The following CLSTN2 variants were observed in gnomAD, a reference collection of about 807,000 sequenced individuals.
The protein encoded by CLSTN2 is calsyntenin-2.
A neutral mutation model predicts 101.2 loss-of-function variants in CLSTN2; 48 were observed. The ratio of observed to expected loss-of-function variants is 0.47; its 90% CI spans 0.38 to 0.60. The LOEUF (loss-of-function observed/expected upper bound fraction) is 0.60, where lower values mean the gene tolerates loss of function less well. CLSTN2 is among the 20% of genes least tolerant of loss of function. The probability of loss-of-function intolerance (pLI) is 0.00; values close to 1 mark genes in which losing one functional copy is unlikely to be tolerated. For missense variants in CLSTN2, 1,160 were observed against 1,238.2 expected, an observed-to-expected ratio of 0.94 and a Z score of 0.95; for synonymous variants, 481 against 463.6, an observed-to-expected ratio of 1.04 and a Z score of -0.48.
intron 4 of CLSTN2, among the ~76,000 whole-genome samples, chr3:140,416,662 T>C (rs1362415372): frequency 2.6e-5 from 4 of 152,184 alleles, no homozygotes; most frequent in Non-Finnish European, 5.9e-5. Context: ...AAAATGGAAA[T>C]TGAATATTGT....
chr3:140,308,259 C>T (rs1054549311), intron 2 of CLSTN2, among the ~76,000 whole-genome samples: 1 of 152,306 alleles, frequency 6.6e-6, no homozygotes, highest in Admixed American at 6.5e-5. Flanking sequence ...GCCAGAGGGC[C>T]TCAGTTTTCC....
At chr3:140,127,169 C>G (rs1381896078) in intron 1 of CLSTN2, among the ~76,000 whole-genome samples, 2 of 152,006 alleles carry the variant, frequency 1.3e-5, no homozygotes, top group Non-Finnish European at 2.9e-5. Flanking sequence ...GGGACTGCCC[C>G]CCATCATCAA....
chr3:140,366,695 C>G (rs6794692), intron 2 of CLSTN2, among the ~76,000 whole-genome samples: 56,840 of 152,044 alleles, frequency 0.37, 12,374 homozygotes, highest in Non-Finnish European at 0.5. Flanking sequence ...AAGCAAGTGC[C>G]CACAAAACCC....
At chr3:140,555,547 A>G (rs1004344170) in intron 10 of CLSTN2, among the ~76,000 whole-genome samples, 1 of 152,210 alleles carries the variant, frequency 6.6e-6, no homozygotes, top group African/African-American at 2.4e-5. Context: ...TGAATATATT[A>G]TCTATTCAAA....
At chr3:140,127,318 C>G (rs1446196843) in intron 1 of CLSTN2, among the ~76,000 whole-genome samples, 1 of 152,122 alleles carries the variant, frequency 6.6e-6, no homozygotes, top group Admixed American at 6.5e-5. Flanking sequence ...AATAACACTC[C>G]ATGACAATGG....
intron 8 of CLSTN2, among the ~76,000 whole-genome samples, chr3:140,503,162 C>G (rs186869555): frequency 6.6e-6 from 1 of 152,268 alleles, no homozygotes; most frequent in African/African-American, 2.4e-5. Context: ...TAGCATTGGA[C>G]CCACCTAAAT....
chr3:140,485,278 G>A (rs1321633053), intron 8 of CLSTN2, among the ~76,000 whole-genome samples: 1 of 152,190 alleles, frequency 6.6e-6, no homozygotes, highest in African/African-American at 2.4e-5. Context: ...GCGGATATTG[G>A]TGAACAGCAA....
intron 11 of CLSTN2, among the ~76,000 whole-genome samples, chr3:140,557,382 C>T (rs1380202689): frequency 3.3e-5 from 5 of 152,184 alleles, no homozygotes; most frequent in Non-Finnish European, 4.4e-5. Context: ...AAAAAAACCC[C>T]GCAGATGGTA....
intron 1 of CLSTN2, among the ~76,000 whole-genome samples, chr3:140,053,906 C>A (rs947892112): frequency 9.9e-5 from 15 of 152,132 alleles, no homozygotes; most frequent in Non-Finnish European, 1.5e-4. Flanking sequence ...ACTGAAGCCC[C>A]TTTTGGTGTT....
intron 1 of CLSTN2, among the ~76,000 whole-genome samples, chr3:140,150,795 C>A (rs1001885643): frequency 2.0e-5 from 3 of 152,140 alleles, no homozygotes; most frequent in Admixed American, 6.5e-5. Flanking sequence ...AAATAAAGAT[C>A]CTGCACACCA....
At chr3:140,207,500 T>C (rs2010798613) in intron 2 of CLSTN2, among the ~76,000 whole-genome samples, 1 of 152,206 alleles carries the variant, frequency 6.6e-6, no homozygotes, top group South Asian at 2.1e-4. Flanking sequence ...TAATAATGCT[T>C]TCCTCAGGAA....
rs1235731890 is a variant in CLSTN2 at position 140,427,183 on chromosome 3, AAAT to A, written c.787+5911_787+5913del. Among the ~76,000 whole-genome samples the A allele has an allele frequency of 1.3e-3, 111 of 83,782 alleles. 4 individuals carry two copies. Among genetic ancestry groups the A allele is most frequent in the African/African-American group, 6.6e-3 (97 of 14,754 alleles). The allele number at this position is 83,782 out of a possible 152,430, so 55.0% of individuals were successfully genotyped here. ...AGAGTGAGACTGTCTCAAAAAAAAAAAATATATATATATATATATATGTGTATA... is the reference window on the plus strand; with the variant it reads ...AGAGTGAGACTGTCTCAAAAAAAAAAATATATATATATATATATGTGTATA... On this transcript the variant is annotated intron_variant, in intron 5 of 16. Transcript: ENST00000458420.
intron 2 of CLSTN2, among the ~76,000 whole-genome samples, chr3:140,264,985 A>G (rs1216317101): frequency 6.6e-6 from 1 of 151,972 alleles, no homozygotes; most frequent in Non-Finnish European, 1.5e-5. Flanking sequence ...CTCCTTCACA[A>G]CCCCCAGCAC....
Position 140,267,612 on chromosome 3 carries a change from C to T in CLSTN2, c.232+91539C>T, listed in dbSNP as rs555097228. 5.9e-5 allele frequency among the ~76,000 whole-genome samples: 9 copies of T among 152,240 alleles called. No homozygotes were observed. The East Asian group carries it at 9.7e-4, about 16-fold the overall frequency. ...GGTATATAGTTATATTCTCAGAGAC[C>T]GGGCTGTTTAAAACCACTGTGTTGC... On this transcript the variant is annotated intron_variant, in intron 2 of 16. Transcript: ENST00000458420.
At chr3:140,275,839 G>C (rs959563483) in intron 2 of CLSTN2, among the ~76,000 whole-genome samples, 2 of 152,216 alleles carry the variant, frequency 1.3e-5, no homozygotes, top group South Asian at 2.1e-4. Context: ...TTAATGGAAA[G>C]ACTGAGGTCA....
intron 2 of CLSTN2, among the ~76,000 whole-genome samples, chr3:140,338,737 C>A (rs2087465622): frequency 6.6e-6 from 1 of 152,144 alleles, no homozygotes; most frequent in Admixed American, 6.6e-5. Context: ...TGCGTGAGGC[C>A]TAGTGGAACA....
chr3:140,355,291 T>C (rs1391547524), intron 2 of CLSTN2, among the ~76,000 whole-genome samples: 1 of 152,226 alleles, frequency 6.6e-6, no homozygotes, highest in East Asian at 1.9e-4. Context: ...TGGACTATAA[T>C]TGGACTCAGG....
chr3:140,056,891 C>T (rs1260605881), intron 1 of CLSTN2, among the ~76,000 whole-genome samples: 1 of 152,190 alleles, frequency 6.6e-6, no homozygotes, highest in Non-Finnish European at 1.5e-5. Context: ...GAAAGTGTGA[C>T]ATCAGTGCCC....
Position 140,572,947 on chromosome 3 carries a change from T to G in CLSTN2, c.*6694T>G, listed in dbSNP as rs2107799449. On this transcript the variant is annotated 3_prime_UTR_variant, in exon 17 of 17. Transcript: ENST00000458420. ...TGGTTTCAAGGAACCTTGGTCCTAG[T>G]CCGCATCCTTCACCTGCCCTTGGGC... The G allele has an allele frequency of 6.6e-6, 1 of 152,492 alleles. No individual in the cohort carries two copies. The highest frequency in any genetic ancestry group is 2.4e-5 in the African/African-American group (1 of 41,578). The allele number at this position is 152,492 out of a possible 1,614,324, so 9.4% of individuals were successfully genotyped here.
Sources: allele counts gnomAD v4.1 joint callset (sites outside exome capture counted in the v4.1 genomes callset), GRCh38; gene constraint gnomAD v4.1.1; transcripts MANE v1.5; gene names NCBI Gene and HGNC (gene_info 2026-07-23, HGNC 2026-07-21).